Variants in CNBD1 observed in about 807,000 individuals in gnomAD.
CNBD1 encodes cyclic nucleotide-binding domain-containing protein 1.
A neutral mutation model predicts 54.4 loss-of-function variants in CNBD1; 71 were observed. That is an observed-to-expected ratio of 1.30 (90% CI 1.08 to 1.59). The LOEUF is 1.59. Ranked by LOEUF, CNBD1 falls within the 40% of genes most tolerant of loss-of-function variation. CNBD1 has a pLI of 0.00. For missense variants in CNBD1, 659 were observed against 518.0 expected (o/e 1.27, Z -2.64); for synonymous variants, 182 against 170.7 (o/e 1.07, Z -0.51).
At chr8:87,340,941 A>AT (rs1216929188) in intron 8 of CNBD1, among the ~76,000 whole-genome samples, 1 of 151,286 alleles carries the variant, frequency 6.6e-6, no homozygotes, top group Admixed American at 6.6e-5. Context: ...CAGTTTTCCC[A>AT]TTTTTTTCAT....
At chr8:87,342,036 G>T (rs1329812694) in intron 8 of CNBD1, among the ~76,000 whole-genome samples, 1 of 152,152 alleles carries the variant, frequency 6.6e-6, no homozygotes, top group East Asian at 1.9e-4. Flanking sequence ...CACTTTGGGA[G>T]GCCGAGGCGG....
chr8:87,292,457 G>A (rs369066503), intron 8 of CNBD1, among the ~76,000 whole-genome samples: 12 of 152,014 alleles, frequency 7.9e-5, no homozygotes, highest in Non-Finnish European at 2.9e-5. Flanking sequence ...GTATGCATGC[G>A]GCAAGCTTTC....
intron 4 of CNBD1, among the ~76,000 whole-genome samples, chr8:87,113,284 A>G (rs930388412): frequency 6.6e-6 from 1 of 152,240 alleles, no homozygotes; most frequent in Non-Finnish European, 1.5e-5. Flanking sequence ...AGCATCTGCT[A>G]CACGTCACCT....
intron 4 of CNBD1, chr8:87,044,546 G>C (rs1416817883): frequency 6.6e-6 from 1 of 152,164 alleles, no homozygotes; most frequent in East Asian, 1.9e-4. Flanking sequence ...ACATTTTACA[G>C]TGGAATGCCA....
At chr8:86,958,266 G>T (rs973102323) in intron 4 of CNBD1, among the ~76,000 whole-genome samples, 8 of 152,110 alleles carry the variant, frequency 5.3e-5, no homozygotes, top group African/African-American at 1.9e-4. Flanking sequence ...GTCAATTTTG[G>T]AATAGGTCAG....
intron 1 of CNBD1, among the ~76,000 whole-genome samples, chr8:86,871,352 C>T (rs2131766113): frequency 1.3e-5 from 2 of 152,304 alleles, no homozygotes; most frequent in Middle Eastern, 3.4e-3. Flanking sequence ...GATGCTGGTC[C>T]TCCAGCATCT....
intron 4 of CNBD1, among the ~76,000 whole-genome samples, chr8:87,042,122 G>C (rs1035603349): frequency 6.6e-6 from 1 of 152,210 alleles, no homozygotes; most frequent in Admixed American, 6.5e-5. Flanking sequence ...TTTTCGGCCT[G>C]TGCTCTTTGG....
intron 8 of CNBD1, among the ~76,000 whole-genome samples, chr8:87,327,695 C>T (rs1004920746): frequency 4.6e-5 from 7 of 152,134 alleles, no homozygotes; most frequent in African/African-American, 1.7e-4. Context: ...GACCTGCGCC[C>T]ACTGTCTGGC....
At chr8:87,421,421 C>G (rs1345364188) in intron 2 of CNBD1, among the ~76,000 whole-genome samples, 2 of 112,714 alleles carry the variant, frequency 1.8e-5, no homozygotes, top group Non-Finnish European at 3.8e-5. Flanking sequence ...CTCTCCCTCC[C>G]CCCCTCCCCC....
chr8:87,332,519 C>G (rs910942952), intron 8 of CNBD1, among the ~76,000 whole-genome samples: 1 of 152,044 alleles, frequency 6.6e-6, no homozygotes, highest in African/African-American at 2.4e-5. Context: ...TGGAGTTTTA[C>G]ATTTAAGTCT....
chr8:87,341,022 C>T (rs1368947484), intron 8 of CNBD1, among the ~76,000 whole-genome samples: 2 of 152,100 alleles, frequency 1.3e-5, no homozygotes, highest in African/African-American at 2.4e-5. Context: ...ATTTTTCATA[C>T]ATACGTTCAT....
intron 8 of CNBD1, among the ~76,000 whole-genome samples, chr8:87,351,198 T>C (rs1422154558): frequency 6.6e-6 from 1 of 152,220 alleles, no homozygotes; most frequent in Non-Finnish European, 1.5e-5. Flanking sequence ...TGGGCCAATG[T>C]GGCCTCAAAG....
At chr8:87,035,795 G>A (rs948245191) in intron 4 of CNBD1, among the ~76,000 whole-genome samples, 1 of 152,104 alleles carries the variant, frequency 6.6e-6, no homozygotes, top group African/African-American at 2.4e-5. Context: ...GCTCCATGGA[G>A]TTCTCCATGG....
At chr8:87,318,512 G>A (rs900376974) in intron 8 of CNBD1, among the ~76,000 whole-genome samples, 16 of 152,082 alleles carry the variant, frequency 1.1e-4, no homozygotes, top group Non-Finnish European at 2.4e-4. Flanking sequence ...GCCCCTGCGT[G>A]CACATCAGAG....
chr8:87,326,382 A>T (rs1406320596), intron 8 of CNBD1, among the ~76,000 whole-genome samples: 1 of 126,052 alleles, frequency 7.9e-6, no homozygotes, highest in Non-Finnish European at 1.8e-5. Flanking sequence ...TCTCCTGGAT[A>T]ATATCCTGTA....
intron 4 of CNBD1, among the ~76,000 whole-genome samples, chr8:86,989,984 A>T (rs989288348): frequency 6.6e-6 from 1 of 152,252 alleles, no homozygotes; most frequent in Non-Finnish European, 1.5e-5. Context: ...CCTATTTGCC[A>T]TGTGTGTATC....
intron 8 of CNBD1, among the ~76,000 whole-genome samples, chr8:87,327,103 A>T (rs1182647344): frequency 6.8e-6 from 1 of 146,816 alleles, no homozygotes; most frequent in Non-Finnish European, 1.5e-5. Context: ...GGTGCCTCCC[A>T]GTTAGGCTGC....
At chr8:86,995,780 G>A (rs957710811) in intron 4 of CNBD1, among the ~76,000 whole-genome samples, 6 of 151,844 alleles carry the variant, frequency 4.0e-5, no homozygotes, top group South Asian at 2.1e-4. Flanking sequence ...TCAGGCTGGC[G>A]TTCTGAAAAA....
intron 2 of CNBD1, among the ~76,000 whole-genome samples, chr8:86,902,124 G>C (rs1170062387): frequency 6.6e-6 from 1 of 152,068 alleles, no homozygotes. Flanking sequence ...AATATAGTCA[G>C]TGATTTTATA....
Sources: gnomAD v4.1 joint callset for allele counts (sites outside exome capture counted in the v4.1 genomes callset) on GRCh38, gnomAD v4.1.1 for gene constraint, MANE v1.5 for transcripts, NCBI Gene and HGNC (gene_info 2026-07-23, HGNC 2026-07-21) for gene names.